Variants in EEF2K observed in about 807,000 individuals in gnomAD.
EEF2K encodes the protein alternative protein EEF2K.
Under a neutral mutation model 93.8 loss-of-function variants are expected in EEF2K, and 70 were observed. The observed-to-expected ratio is 0.75, with a 90% CI of 0.62 to 0.91. The LOEUF is 0.91. Ranked by LOEUF, EEF2K falls within the 40% of genes least tolerant of loss-of-function variation. EEF2K has a pLI of 0.00. For synonymous variants in EEF2K, 376 were observed against 380.8 expected (o/e 0.99, Z 0.15); for missense variants, 935 against 972.9 (o/e 0.96, Z 0.52).
At chr16:22,240,107 A>G (rs2047206598) in intron 2 of EEF2K, among the ~76,000 whole-genome samples, 1 of 151,930 alleles carries the variant, frequency 6.6e-6, no homozygotes, top group Non-Finnish European at 1.5e-5. Flanking sequence ...ATCTCAAAAA[A>G]AAAAAAAAAA....
intron 17 of EEF2K, among the ~76,000 whole-genome samples, chr16:22,282,956 G>A (rs969200221): frequency 6.6e-6 from 1 of 152,104 alleles, no homozygotes; most frequent in Non-Finnish European, 1.5e-5. Flanking sequence ...AATTTCACAG[G>A]TATAGGATGA....
intron 10 of EEF2K, among the ~76,000 whole-genome samples, chr16:22,259,291 A>G (rs942607000): frequency 9.8e-5 from 15 of 152,346 alleles, no homozygotes; most frequent in African/African-American, 3.6e-4. Context: ...GCTGGAGGTC[A>G]TGTATTCAGG....
chr16:22,217,252 C>T (rs189695060), intron 1 of EEF2K, among the ~76,000 whole-genome samples: 10 of 139,268 alleles, frequency 7.2e-5, no homozygotes, highest in Admixed American at 4.3e-4. Context: ...GAGAGAGATG[C>T]GAAGGATAAC....
intron 11 of EEF2K, among the ~76,000 whole-genome samples, chr16:22,262,797 C>A (rs2141677604): frequency 6.6e-6 from 1 of 152,244 alleles, no homozygotes; most frequent in South Asian, 2.1e-4. Context: ...TCTCAGCTGG[C>A]AAGAAATAAA....
chr16:22,257,045 C>G (rs1264491193), intron 7 of EEF2K, 148 bp downstream of exon 7: 10 of 1,404,714 alleles, frequency 7.1e-6, no homozygotes, highest in Non-Finnish European at 9.5e-6. Context: ...GGAGACCCGT[C>G]ACCCCATGAC....
chr16:22,246,844 CCTGGCCAAT>C (rs1449238445), intron 3 of EEF2K, among the ~76,000 whole-genome samples: 2 of 151,288 alleles, frequency 1.3e-5, no homozygotes, highest in African/African-American at 4.9e-5. Context: ...TTGAGACCAG[CCTGGCCAAT>C]GTGATGAAAC....
intron 2 of EEF2K, among the ~76,000 whole-genome samples, chr16:22,235,789 C>T (rs569455294): frequency 1.3e-5 from 2 of 150,968 alleles, no homozygotes; most frequent in East Asian, 3.9e-4. Flanking sequence ...TGAGCCACCG[C>T]GTCTGGCCAG....
Position 22,285,965 on chromosome 16 carries a change from A to G in EEF2K, c.*1969A>G, listed in dbSNP as rs1456396593. The G allele has an allele frequency of 1.3e-4, 20 of 152,202 alleles. No individual in the cohort carries two copies. The allele number at this position is 152,202 out of a possible 1,614,324, so 9.4% of individuals were successfully genotyped here. A position where few individuals can be genotyped will look rare whatever the true frequency, so the allele number is the denominator to read the frequency against. On this transcript the variant is annotated 3_prime_UTR_variant, in exon 18 of 18. Coordinates refer to ENST00000263026, the MANE Select transcript of EEF2K (RefSeq NM_013302.5). ...CGCCTCAGTCTCCCAAAGCGCTGGGATTACAGGCAGGAGCCACTGAGCCCA... is the reference window on the plus strand; with the variant it reads ...CGCCTCAGTCTCCCAAAGCGCTGGGGTTACAGGCAGGAGCCACTGAGCCCA...
chr16:22,277,603 TG>T (rs2047650054), intron 16 of EEF2K, among the ~76,000 whole-genome samples: 1 of 152,182 alleles, frequency 6.6e-6, no homozygotes, highest in Non-Finnish European at 1.5e-5. Context: ...CCTGCCTTCA[TG>T]GGGCTTACCT....
In EEF2K at chr16:22,258,545, C is replaced by T. The variant is rs368839566; in HGVS notation, c.1081C>T (p.Gln361Ter). The T allele has an allele frequency of 4.3e-5, 69 of 1,613,878 alleles. No individual in the cohort carries two copies. The highest frequency in any genetic ancestry group is 4.8e-5 in the Non-Finnish European group (57 of 1,180,012). ...AACAGAGGAAAAATGTGGGAGCCCC[C>T]AAGTAAGGACCCTCTCTGGGAGCCG... ...RGTEEKCGSP[Q>*]VRTLSGSRPP... Residue 361 changes from glutamine (Q) to a stop codon, truncating the protein, a stop_gained, in exon 10 of 18, where the codon CAA becomes TAA. Coordinates refer to ENST00000263026, the MANE Select transcript of EEF2K (RefSeq NM_013302.5). LOFTEE classifies it high-confidence loss of function.
intron 2 of EEF2K, among the ~76,000 whole-genome samples, chr16:22,235,972 A>ATT (rs983631336): frequency 1.4e-5 from 2 of 144,272 alleles, no homozygotes; most frequent in Non-Finnish European, 1.5e-5. Context: ...TAATTTTTGT[A>ATT]TTTTTTTTTT....
intron 6 of EEF2K, among the ~76,000 whole-genome samples, 182 bp from the exon 7 acceptor site, chr16:22,256,566 T>A (rs1292767902): frequency 6.6e-6 from 1 of 151,926 alleles, no homozygotes; most frequent in Non-Finnish European, 1.5e-5. Context: ...TTTAAAAAAA[T>A]TAAAGGAAAA....
intron 1 of EEF2K, among the ~76,000 whole-genome samples, chr16:22,224,885 G>A (rs1348334240): frequency 1.3e-5 from 2 of 151,888 alleles, no homozygotes; most frequent in East Asian, 1.9e-4. Context: ...CCTGGGAGGT[G>A]GAGGTTGCAG....
At position 22,257,395 on chromosome 16, in the gene EEF2K, GA is replaced by G; in HGVS notation, c.901+13del. The stretch of plus-strand genomic sequence containing the variant: ...GGAGACGGCAACCTAGGTACGTGGG[GA>G]AAGCCAGCCTGTTTCTGCAGAAACC... On this transcript the variant is annotated intron_variant, in intron 8 of 17. Coordinates refer to ENST00000263026, the MANE Select transcript of EEF2K (RefSeq NM_013302.5). 6.2e-7 allele frequency: 1 copy of G among 1,612,180 alleles called. No homozygotes were observed. Among genetic ancestry groups the G allele is most frequent in the Non-Finnish European group, 8.5e-7 (1 of 1,179,400 alleles).
At chr16:22,245,851 G>A (rs1253996393) in intron 3 of EEF2K, among the ~76,000 whole-genome samples, 1 of 152,074 alleles carries the variant, frequency 6.6e-6, no homozygotes, top group African/African-American at 2.4e-5. Flanking sequence ...CAAAATGTGT[G>A]GCGGTTTCTC....
chr16:22,274,180 C>T (rs189249331), intron 16 of EEF2K, among the ~76,000 whole-genome samples: 22 of 152,048 alleles, frequency 1.4e-4, no homozygotes, highest in Non-Finnish European at 2.5e-4. Context: ...TGGTGGCTCA[C>T]GCATGTAATC....
intron 1 of EEF2K, among the ~76,000 whole-genome samples, chr16:22,207,503 T>G (rs968286443): frequency 2.0e-4 from 31 of 152,098 alleles, no homozygotes; most frequent in Admixed American, 2.0e-3. Context: ...GGGTACAGTA[T>G]TAGTATCTAC....
chr16:22,273,152 T>C (rs1401110755), intron 15 of EEF2K, among the ~76,000 whole-genome samples: 3 of 152,260 alleles, frequency 2.0e-5, no homozygotes, highest in Non-Finnish European at 4.4e-5. Context: ...TACAGCTCCA[T>C]GACTGCTTCT....
intron 4 of EEF2K, among the ~76,000 whole-genome samples, chr16:22,249,495 C>T (rs2047327902): frequency 6.6e-6 from 1 of 152,168 alleles, no homozygotes; most frequent in Non-Finnish European, 1.5e-5. Context: ...CCAGCCTGGC[C>T]AAGCCCCTCT....
Sources: gnomAD v4.1 joint callset for allele counts (sites outside exome capture counted in the v4.1 genomes callset) on GRCh38, gnomAD v4.1.1 for gene constraint, MANE v1.5 for transcripts, NCBI Gene and HGNC (gene_info 2026-07-23, HGNC 2026-07-21) for gene names.